The following CLVS1 variants were observed in gnomAD, a reference collection of about 807,000 sequenced individuals.
CLVS1 encodes clavesin 1.
A neutral mutation model predicts 33.1 loss-of-function variants in CLVS1; 10 were observed. The observed-to-expected ratio is 0.30, with a 90% CI of 0.19 to 0.51. The LOEUF (loss-of-function observed/expected upper bound fraction) is 0.51, where lower values mean the gene tolerates loss of function less well. Ranked by LOEUF, CLVS1 falls within the 20% of genes least tolerant of loss-of-function variation. The probability of loss-of-function intolerance (pLI) is 0.97; values close to 1 mark genes in which losing one functional copy is unlikely to be tolerated. For missense variants in CLVS1, 343 were observed against 433.4 expected, an observed-to-expected ratio of 0.79 and a Z score of 1.85; for synonymous variants, 163 against 166.1, an observed-to-expected ratio of 0.98 and a Z score of 0.14.
chr8:61,354,317 A>G (rs888380805), intron 2 of CLVS1, among the ~76,000 whole-genome samples: 54 of 152,094 alleles, frequency 3.6e-4, no homozygotes, highest in African/African-American at 1.3e-3. Flanking sequence ...AGAAACACCA[A>G]CTGTTGTTGA....
At chr8:61,007,010 C>T in the CLVS1 span, among the ~76,000 whole-genome samples, 6 of 152,168 alleles carry the variant, frequency 3.9e-5, no homozygotes, top group Non-Finnish European at 8.8e-5. Context: ...TTAGCACTAC[C>T]AGTTCCTGGA....
At chr8:61,385,611 G>T (rs1814050776) in intron 3 of CLVS1, among the ~76,000 whole-genome samples, 1 of 152,222 alleles carries the variant, frequency 6.6e-6, no homozygotes, top group Non-Finnish European at 1.5e-5. Context: ...TATCTTCCAG[G>T]CTGAGCTAGA....
rs78917987 is a variant in CLVS1 at position 61,458,429 on chromosome 8, C to T, written c.864C>T (p.Leu288=). ...TGGGAACTTGGGCCCGGACGTTACT[C>T]GGTCCCGACTACAGCGATGAAAATG... ...YDMGTWARTL[L]GPDYSDENDY... Residue 288 remains leucine (L), a synonymous_variant, in exon 5 of 6, where the codon CTC becomes CTT. Coordinates refer to ENST00000325897, the MANE Select transcript of CLVS1 (RefSeq NM_173519.3). 1.4e-4 allele frequency: 234 copies of T among 1,614,036 alleles called. 3 individuals carry two copies. In the East Asian group the frequency reaches 4.5e-3, roughly 31 times the overall value.
At chr8:61,018,292 T>C in the CLVS1 span, among the ~76,000 whole-genome samples, 1 of 152,220 alleles carries the variant, frequency 6.6e-6, no homozygotes, top group Non-Finnish European at 1.5e-5. Context: ...CTCCTTACTG[T>C]CGCTTATAAT....
chr8:61,251,299 G>A lies in CLVS1; in HGVS notation c.-151-48378G>A, dbSNP rs117621743. On this transcript the variant is annotated intron_variant, in intron 2 of 2. Coordinates refer to the CLVS1 transcript ENST00000522621. ...CATGTGGATAAGTTTTTGATGTACC[G>A]CTGGATTTGCTTTGCCAGTATTTTA... 4.5e-3 allele frequency among the ~76,000 whole-genome samples: 682 copies of A among 152,246 alleles called. 1 individual carries two copies. The highest frequency in any genetic ancestry group is 7.7e-3 in the Non-Finnish European group (524 of 68,006).
intron 2 of CLVS1, among the ~76,000 whole-genome samples, chr8:61,180,102 T>A (rs1314289214): frequency 6.6e-6 from 1 of 151,696 alleles, no homozygotes; most frequent in African/African-American, 2.4e-5. Flanking sequence ...GGTAGACTAA[T>A]AAAGAAGAAG....
upstream of CLVS1, among the ~76,000 whole-genome samples, chr8:61,056,156 T>C (rs541942425): frequency 1.3e-3 from 191 of 152,260 alleles, no homozygotes; most frequent in African/African-American, 4.3e-3. Context: ...GTGCCCAGGG[T>C]CTGGGTAAAG....
intron 2 of CLVS1, among the ~76,000 whole-genome samples, chr8:61,257,710 A>G (rs2129592026): frequency 6.6e-6 from 1 of 152,340 alleles, no homozygotes; most frequent in South Asian, 2.1e-4. Flanking sequence ...AAAGGAACCC[A>G]GGACCTAATT....
the CLVS1 span, among the ~76,000 whole-genome samples, chr8:61,046,057 C>T: frequency 6.6e-6 from 1 of 151,176 alleles, no homozygotes; most frequent in African/African-American, 2.4e-5. Flanking sequence ...ACATGAAGTC[C>T]TTGCCCATGC....
At chr8:61,225,933 A>G (rs1197610908) in intron 2 of CLVS1, among the ~76,000 whole-genome samples, 1 of 152,252 alleles carries the variant, frequency 6.6e-6, no homozygotes, top group Non-Finnish European at 1.5e-5. Flanking sequence ...TGCTAAATGT[A>G]GTGCACTGAA....
intron 2 of CLVS1, among the ~76,000 whole-genome samples, chr8:61,317,816 C>T (rs1200325557): frequency 2.0e-5 from 3 of 152,120 alleles, no homozygotes; most frequent in African/African-American, 7.2e-5. Context: ...CTGAACTCTC[C>T]TATCTTTAAA....
At chr8:60,982,951 A>AC in the CLVS1 span, among the ~76,000 whole-genome samples, 85 of 150,660 alleles carry the variant, frequency 5.6e-4, no homozygotes, top group African/African-American at 2.1e-3. Flanking sequence ...AAACAAACAA[A>AC]CCCCCCACAC....
At chr8:61,412,569 C>G (rs1047981338) in intron 3 of CLVS1, among the ~76,000 whole-genome samples, 5 of 152,202 alleles carry the variant, frequency 3.3e-5, no homozygotes, top group Admixed American at 2.6e-4. Flanking sequence ...ATCTTCCTTA[C>G]TTGTGCACAG....
intron 2 of CLVS1, among the ~76,000 whole-genome samples, chr8:61,143,949 CA>C (rs1312610495): frequency 6.7e-6 from 1 of 150,252 alleles, no homozygotes; most frequent in Non-Finnish European, 1.5e-5. Context: ...TTGAAGGAAG[CA>C]AATTAATAGC....
the CLVS1 span, among the ~76,000 whole-genome samples, chr8:61,036,574 T>G: frequency 3.9e-5 from 6 of 152,284 alleles, no homozygotes; most frequent in Admixed American, 6.5e-5. Context: ...TATTGTCCTC[T>G]CCTCCCCCTC....
At chr8:61,093,661 A>G (rs1805294609) in intron 1 of CLVS1, among the ~76,000 whole-genome samples, 1 of 152,216 alleles carries the variant, frequency 6.6e-6, no homozygotes, top group Admixed American at 6.5e-5. Context: ...GAAGGGGAAA[A>G]TAGTGAGGCA....
chr8:61,105,717 TAGGACA>T (rs1437755418), intron 1 of CLVS1, among the ~76,000 whole-genome samples: 2 of 152,200 alleles, frequency 1.3e-5, no homozygotes, highest in Non-Finnish European at 2.9e-5. Context: ...TTCTTAATTA[TAGGACA>T]TTAAAAGTGC....
chr8:61,270,778 C>T lies in CLVS1; in HGVS notation c.-151-28899C>T, dbSNP rs1325896855. On this transcript the variant is annotated intron_variant, in intron 2 of 2. Transcript: ENST00000522621. ...GTGTCGAGGAATTTATCCATTTCTTCTAGATTTTCTAGTTTATTTGCGTAG... is the reference window on the plus strand; with the variant it reads ...GTGTCGAGGAATTTATCCATTTCTTTTAGATTTTCTAGTTTATTTGCGTAG... Among the ~76,000 whole-genome samples, 8 of 152,104 alleles carry T rather than the reference C, an allele frequency of 5.3e-5. No homozygotes were observed. In the East Asian group the frequency reaches 7.7e-4, roughly 15 times the overall value.
chr8:61,190,969 C>T (rs1156899355), intron 2 of CLVS1, among the ~76,000 whole-genome samples: 1 of 152,088 alleles, frequency 6.6e-6, no homozygotes, highest in Admixed American at 6.6e-5. Flanking sequence ...GTACCATTCC[C>T]TCTGAAACTA....
Sources: gnomAD v4.1 joint callset for allele counts (sites outside exome capture counted in the v4.1 genomes callset) on GRCh38, gnomAD v4.1.1 for gene constraint, MANE v1.5 for transcripts, NCBI Gene and HGNC (gene_info 2026-07-23, HGNC 2026-07-21) for gene names.